ACVR1C: variants seen among roughly 807,000 people sequenced by gnomAD.
ACVR1C encodes the protein activin receptor type-1C.
Under a neutral mutation model 57.9 loss-of-function variants are expected in ACVR1C, and 23 were observed. The ratio of observed to expected loss-of-function variants is 0.40; its 90% CI spans 0.29 to 0.56. The LOEUF (loss-of-function observed/expected upper bound fraction) is 0.56. Among genes scored for constraint, ACVR1C ranks in the 20% least tolerant of loss-of-function variants. The probability of loss-of-function intolerance (pLI) is 0.50; values close to 1 mark genes in which losing one functional copy is unlikely to be tolerated. For synonymous variants in ACVR1C, 214 were observed against 215.3 expected, an observed-to-expected ratio of 0.99 and a Z score of 0.05; for missense variants, 480 against 607.9, an observed-to-expected ratio of 0.79 and a Z score of 2.21.
rs1471836961 is a variant in ACVR1C, at chr2:157,532,030, T to C, written c.*1888A>G. On this transcript the variant is annotated 3_prime_UTR_variant, in exon 9 of 9. Coordinates refer to ENST00000243349, the MANE Select transcript of ACVR1C (RefSeq NM_145259.3). ...GCAAGATATGGGTGCTCTATGATTA[T>C]TTAATAAGTGGATGAGAGCATTAAC... 6.6e-6 allele frequency: 1 copy of C among 152,180 alleles called. No homozygotes were observed. Among genetic ancestry groups the C allele is most frequent in the African/African-American group, 2.4e-5 (1 of 41,450 alleles). 9.4% of individuals were successfully genotyped at this position (152,180 alleles called of 1,614,324 possible).
At chr2:157,550,452 T>G (rs1330527037) in intron 3 of ACVR1C, 60 bp from the exon 4 acceptor site, 9 of 1,461,070 alleles carry the variant, frequency 6.2e-6, no homozygotes, top group Non-Finnish European at 7.6e-6. Context: ...GAACTCTCAA[T>G]AATCACTGTT....
In ACVR1C at chr2:157,554,272, G is replaced by GAAAGA. The variant is rs1491411690; in HGVS notation, c.544+1820_544+1821insTCTTT. On this transcript the variant is annotated intron_variant, in intron 3 of 8. Coordinates refer to ENST00000243349, the MANE Select transcript of ACVR1C (RefSeq NM_145259.3). The stretch of plus-strand genomic sequence containing the variant: ...GAAAGAAAGAAAGAAAGAAAGAAAG[G>GAAAGA]AAGGAAGGAAGAGAGAGAGAGAGAG... 7.4e-3 allele frequency among the ~76,000 whole-genome samples: 352 copies of GAAAGA among 47,378 alleles called. 5 individuals carry two copies. The highest frequency in any genetic ancestry group is 0.016 in the East Asian group (18 of 1,134). 31.1% of individuals were successfully genotyped at this position (47,378 alleles called of 152,430 possible). A position where few individuals can be genotyped will look rare whatever the true frequency, so the allele number is the denominator to read the frequency against.
intron 8 of ACVR1C, among the ~76,000 whole-genome samples, chr2:157,534,451 C>A (rs1267463015): frequency 1.3e-5 from 2 of 152,078 alleles, no homozygotes; most frequent in African/African-American, 4.8e-5. Context: ...TTTCAATCCA[C>A]TGATTTCTGG....
intron 3 of ACVR1C, among the ~76,000 whole-genome samples, chr2:157,551,050 C>T (rs956582039): frequency 1.1e-4 from 17 of 152,090 alleles, no homozygotes; most frequent in African/African-American, 3.9e-4. Flanking sequence ...ATACTTAATG[C>T]AAAATGTAGA....
chr2:157,538,463 T>C (rs1030101773), intron 8 of ACVR1C, 110 bp downstream of exon 8: 26 of 1,050,426 alleles, frequency 2.5e-5, no homozygotes, highest in Admixed American at 6.2e-5. Flanking sequence ...AAAAGACGTA[T>C]GTCTACATAT....
intron 1 of ACVR1C, among the ~76,000 whole-genome samples, chr2:157,624,375 G>T (rs1401485792): frequency 2.6e-5 from 4 of 152,106 alleles, no homozygotes; most frequent in African/African-American, 9.7e-5. Context: ...GTAGTGCCAA[G>T]AAAAGTACAA....
rs1687260550 is a variant in ACVR1C at position 157,527,693 on chromosome 2, A to C, written c.*6225T>G. 1 of 152,246 alleles carries C rather than the reference A, an allele frequency of 6.6e-6. No individual in the cohort carries two copies. Among genetic ancestry groups the C allele is most frequent in the African/African-American group, 2.4e-5 (1 of 41,470 alleles). 9.4% of individuals were successfully genotyped at this position (152,246 alleles called of 1,614,324 possible). A position where few individuals can be genotyped will look rare whatever the true frequency, so the allele number is the denominator to read the frequency against. On this transcript the variant is annotated 3_prime_UTR_variant, in exon 9 of 9. Coordinates refer to ENST00000243349, the MANE Select transcript of ACVR1C (RefSeq NM_145259.3). ...GAACTAGAATTTAATATTTTGGCTC[A>C]GATACTCTCATTTTGTATAAAGAGA...
chr2:157,580,363 T>C (rs1688761960), intron 2 of ACVR1C, among the ~76,000 whole-genome samples: 1 of 152,192 alleles, frequency 6.6e-6, no homozygotes, highest in South Asian at 2.1e-4. Context: ...TAAATTTTTC[T>C]CTGACATTTA....
intron 1 of ACVR1C, among the ~76,000 whole-genome samples, chr2:157,616,013 G>C (rs554752837): frequency 6.6e-6 from 1 of 152,246 alleles, no homozygotes; most frequent in South Asian, 2.1e-4. Context: ...AATTTGTCTG[G>C]ATTGGGCTCT....
At chr2:157,561,741 G>A (rs1688233328) in intron 2 of ACVR1C, among the ~76,000 whole-genome samples, 2 of 152,142 alleles carry the variant, frequency 1.3e-5, no homozygotes, top group African/African-American at 4.8e-5. Flanking sequence ...CCACTTCACA[G>A]CATCCTAAAA....
chr2:157,601,292 G>A (rs569319963), intron 1 of ACVR1C, among the ~76,000 whole-genome samples: 3 of 151,480 alleles, frequency 2.0e-5, no homozygotes, highest in African/African-American at 7.3e-5. Context: ...TCTCCAGCCT[G>A]GGTGATAAAA....
intron 2 of ACVR1C, among the ~76,000 whole-genome samples, chr2:157,566,008 C>T (rs1307336017): frequency 1.3e-5 from 2 of 152,084 alleles, no homozygotes; most frequent in East Asian, 1.9e-4. Flanking sequence ...AAAATGTAAG[C>T]AGAATATAAA....
chr2:157,543,145 T>C (rs1255742838), intron 5 of ACVR1C, among the ~76,000 whole-genome samples: 2 of 152,194 alleles, frequency 1.3e-5, no homozygotes, highest in Non-Finnish European at 2.9e-5. Flanking sequence ...TTTTAATAGA[T>C]GGGGAAAGAA....
In ACVR1C at chr2:157,601,036, G is replaced by A. The variant is rs749192736; in HGVS notation, c.74-13619C>T. Among the ~76,000 whole-genome samples, 49 of 152,136 alleles carry A rather than the reference G, an allele frequency of 3.2e-4. 1 individual carries two copies. Among genetic ancestry groups the A allele is most frequent in the Middle Eastern group, 3.4e-3 (1 of 294 alleles). On this transcript the variant is annotated intron_variant, in intron 1 of 8. Transcript: ENST00000243349. Reference sequence around the variant, plus strand: ...TAAGTATTTCAGAAGGTAGGTTACCGGCCGGCTGCGGTAGCTTGCACATGT... The same window carrying A: ...TAAGTATTTCAGAAGGTAGGTTACCAGCCGGCTGCGGTAGCTTGCACATGT...
At chr2:157,613,367 C>T (rs1414974730) in intron 1 of ACVR1C, among the ~76,000 whole-genome samples, 1 of 152,186 alleles carries the variant, frequency 6.6e-6, no homozygotes, top group Non-Finnish European at 1.5e-5. Context: ...ACTTATAATA[C>T]CTAATGCTAT....
intron 1 of ACVR1C, among the ~76,000 whole-genome samples, chr2:157,592,864 G>A (rs1040880866): frequency 2.6e-5 from 4 of 152,084 alleles, no homozygotes; most frequent in African/African-American, 9.7e-5. Flanking sequence ...TTAGTAGGCA[G>A]TAGTCTTGTC....
intron 3 of ACVR1C, among the ~76,000 whole-genome samples, chr2:157,555,101 CTTTTTTTTTTTTTTT>C (rs60269781): frequency 4.8e-5 from 4 of 83,926 alleles, no homozygotes; most frequent in East Asian, 2.6e-4. Flanking sequence ...ACTTTGAACG[CTTTTTTTTTTTTTTT>C]TTTTTTTTTT....
chr2:157,554,267 G>GAAAGAAAGAA (rs1688018857), intron 3 of ACVR1C, among the ~76,000 whole-genome samples: 1 of 131,798 alleles, frequency 7.6e-6, no homozygotes, highest in Non-Finnish European at 1.6e-5. Context: ...AAGAAAGAAA[G>GAAAGAAAGAA]AAAGGAAGGA....
At chr2:157,550,117 T>TA in intron 4 of ACVR1C, 45 bp downstream of exon 4, 1 of 1,575,824 alleles carries the variant, frequency 6.3e-7, no homozygotes, top group Non-Finnish European at 8.7e-7. Context: ...AGTCTCGCTC[T>TA]AGACAGCATT....
Sources: allele counts gnomAD v4.1 joint callset (sites outside exome capture counted in the v4.1 genomes callset), GRCh38; gene constraint gnomAD v4.1.1; transcripts MANE v1.5; gene names NCBI Gene and HGNC (gene_info 2026-07-23, HGNC 2026-07-21).